Variants in ESCO2 observed in about 807,000 individuals in gnomAD.
ESCO2 encodes N-acetyltransferase ESCO2.
A neutral mutation model predicts 61.7 loss-of-function variants in ESCO2; 51 were observed. The ratio of observed to expected loss-of-function variants is 0.83; its 90% CI spans 0.66 to 1.04. The LOEUF (loss-of-function observed/expected upper bound fraction) is 1.04, where lower values mean the gene tolerates loss of function less well. Among genes scored for constraint, ESCO2 ranks in the 50% least tolerant of loss-of-function variants. ESCO2 has a pLI of 0.00. For synonymous variants in ESCO2, 230 were observed against 238.2 expected, an observed-to-expected ratio of 0.97 and a Z score of 0.32; for missense variants, 692 against 686.2, an observed-to-expected ratio of 1.01 and a Z score of -0.09.
downstream of ESCO2, among the ~76,000 whole-genome samples, chr8:27,817,172 T>A (rs186565328): frequency 2.2e-3 from 332 of 152,238 alleles, 2 homozygotes; most frequent in African/African-American, 7.8e-3. Flanking sequence ...TCCCACACGC[T>A]TAAAAATATA....
chr8:27,785,614 A>G (rs779214834), intron 5 of ESCO2, among the ~76,000 whole-genome samples: 4 of 148,682 alleles, frequency 2.7e-5, no homozygotes, highest in Non-Finnish European at 4.5e-5. Context: ...ACAGGAGACT[A>G]GCTTGAACCC....
downstream of ESCO2, among the ~76,000 whole-genome samples, chr8:27,806,266 G>C (rs1585415385): frequency 6.6e-6 from 1 of 152,156 alleles, no homozygotes; most frequent in Non-Finnish European, 1.5e-5. Context: ...GTTGAGTACT[G>C]TCCATGGTTT....
At chr8:27,817,425 TA>T (rs1168019943), downstream of ESCO2, among the ~76,000 whole-genome samples, 1 of 152,116 alleles carries the variant, frequency 6.6e-6, no homozygotes, top group Non-Finnish European at 1.5e-5. Flanking sequence ...AATCTGCATT[TA>T]AAATAAGAAA....
downstream of ESCO2, among the ~76,000 whole-genome samples, chr8:27,816,038 A>T (rs1805803784): frequency 6.6e-6 from 1 of 152,184 alleles, no homozygotes; most frequent in African/African-American, 2.4e-5. Context: ...CTGAAAAATG[A>T]TGAAACTGGA....
At chr8:27,797,330 C>A (rs1043857515) in intron 9 of ESCO2, among the ~76,000 whole-genome samples, 1 of 151,960 alleles carries the variant, frequency 6.6e-6, no homozygotes, top group Non-Finnish European at 1.5e-5. Context: ...TATATAATTA[C>A]CTTCTTTGTC....
Position 27,777,094 on chromosome 8 carries a change from G to A in ESCO2, c.786G>A (p.Lys262=). 1 of 1,601,746 alleles carries A rather than the reference G, an allele frequency of 6.2e-7. No individual in the cohort carries two copies. The highest frequency in any genetic ancestry group is 8.5e-7 in the Non-Finnish European group (1 of 1,177,166). ...KKTFATRQVP[K]CLVLEEKLKI... ...CTTTTGCGACAAGGCAAGTGCCAAA[G>A]TGCTTGGTCCTAGAAGAGAAATTGA... The change falls in exon 3 of 11, where the codon AAG becomes AAA. Residue 262 remains lysine (K), a synonymous_variant. Transcript: ENST00000305188.
intron 4 of ESCO2, among the ~76,000 whole-genome samples, chr8:27,782,696 T>C (rs1371125809): frequency 2.0e-5 from 3 of 150,168 alleles, no homozygotes; most frequent in Non-Finnish European, 4.4e-5. Context: ...TAGAATTCCA[T>C]ATATAGTTAA....
chr8:27,811,443 A>T, downstream of ESCO2: 1 of 481,054 alleles, frequency 2.1e-6, no homozygotes, highest in Non-Finnish European at 3.8e-6. Context: ...GGGTTGGTTC[A>T]AAGACATGTG....
chr8:27,788,825 T>C, intron 6 of ESCO2, 22 bp from the exon 7 acceptor site: 1 of 1,613,048 alleles, frequency 6.2e-7, no homozygotes, highest in Non-Finnish European at 8.5e-7. Flanking sequence ...AATGGGTTTC[T>C]TTTTTTACCC....
rs1038104075 is a variant in ESCO2, at chr8:27,791,906, T to C, written c.1264-57T>C. 3 of 1,415,802 alleles carry C rather than the reference T, an allele frequency of 2.1e-6. No individual in the cohort carries two copies. In the African/African-American group the frequency reaches 4.6e-5, roughly 22 times the overall value. The allele number at this position is 1,415,802 out of a possible 1,614,324, so 87.7% of individuals were successfully genotyped here. ...CTTCTCCACATCAAATTATTTAATG[T>C]TGGTTTTTTTTCCTCTTCACAAATT... is the stretch of plus-strand genomic sequence containing the variant. On this transcript the variant is annotated intron_variant, in intron 7 of 10. Transcript: ENST00000305188.
intron 2 of ESCO2, 104 bp downstream of exon 2, chr8:27,775,671 C>G: frequency 1.0e-6 from 1 of 992,430 alleles, no homozygotes; most frequent in Non-Finnish European, 1.6e-6. Flanking sequence ...TAGCCTACTC[C>G]TTGTGGCTAC....
chr8:27,799,759 A>G, intron 10 of ESCO2, 43 bp downstream of exon 10: 1 of 1,608,072 alleles, frequency 6.2e-7, no homozygotes. Flanking sequence ...TTAGATTCAT[A>G]GCTTTCCCAG....
At position 27,774,621 on chromosome 8, in the gene ESCO2, T is replaced by C. The variant is rs1804741764; in HGVS notation, c.-17+14T>C. On this transcript the variant is annotated intron_variant, in intron 1 of 10. Transcript: ENST00000305188. The stretch of plus-strand genomic sequence containing the variant: ...TCTGAGGCGCAGGTAACCTCTGGAG[T>C]AGGCCGAGGCGGGGGGCTGTGGAAG... 2 of 152,034 alleles carry C rather than the reference T, an allele frequency of 1.3e-5. 1 individual carries two copies. Among genetic ancestry groups the C allele is most frequent in the South Asian group, 4.2e-4 (2 of 4,802 alleles). The allele number at this position is 152,034 out of a possible 1,614,324, so 9.4% of individuals were successfully genotyped here. A position where few individuals can be genotyped will look rare whatever the true frequency, so the allele number is the denominator to read the frequency against.
intron 10 of ESCO2, among the ~76,000 whole-genome samples, chr8:27,801,969 ATTTTT>A (rs34539100): frequency 1.2e-5 from 1 of 83,780 alleles, no homozygotes; most frequent in Non-Finnish European, 2.1e-5. Context: ...CCTTCATGGC[ATTTTT>A]TTTTTTTTTT....
upstream of ESCO2, among the ~76,000 whole-genome samples, chr8:27,772,837 G>T (rs118093108): frequency 1.3e-5 from 2 of 152,222 alleles, no homozygotes; most frequent in Non-Finnish European, 2.9e-5. Flanking sequence ...AAATGAAGAT[G>T]ATACTAGAGC....
Position 27,804,853 on chromosome 8 carries a change from TTTGC to T in ESCO2, c.*1418_*1421del. On this transcript the variant is annotated 3_prime_UTR_variant, in exon 11 of 11. Transcript: ENST00000305188. ...TTTAAAATTTTTAATTAACATTTTG[TTTGC>T]TTAATGCTTTTGTTATGAATCAATT... is the stretch of plus-strand genomic sequence containing the variant. The T allele has an allele frequency of 4.0e-6, 3 of 755,958 alleles. No homozygotes were observed. The highest frequency in any genetic ancestry group is 4.8e-6 in the Non-Finnish European group (3 of 620,204). 46.8% of individuals were successfully genotyped at this position (755,958 alleles called of 1,614,324 possible).
At chr8:27,818,696 T>A in the ESCO2 span, among the ~76,000 whole-genome samples, 7 of 152,148 alleles carry the variant, frequency 4.6e-5, no homozygotes, top group Non-Finnish European at 1.0e-4. Context: ...GTTTCTAATG[T>A]CTTAAGCTCC....
rs187970305 is a variant in ESCO2 at position 27,788,360 on chromosome 8, C to T, written c.1131+358C>T. Among the ~76,000 whole-genome samples, 226 of 152,130 alleles carry T rather than the reference C, an allele frequency of 1.5e-3. 1 individual carries two copies. Among genetic ancestry groups the T allele is most frequent in the African/African-American group, 5.1e-3 (213 of 41,504 alleles). ...CTTTAAGGGTTTCATTAAAAAGTTCCGTTGTTCATTTTAGCTGTAATTTCC... is the reference window on the plus strand; with the variant it reads ...CTTTAAGGGTTTCATTAAAAAGTTCTGTTGTTCATTTTAGCTGTAATTTCC... On this transcript the variant is annotated intron_variant, in intron 6 of 10. Transcript: ENST00000305188.
intron 4 of ESCO2, among the ~76,000 whole-genome samples, chr8:27,780,915 T>C (rs1804912212): frequency 6.6e-6 from 1 of 152,208 alleles, no homozygotes; most frequent in South Asian, 2.1e-4. Context: ...GAGTGCTGAA[T>C]ATAAGGCAGT....
Sources: allele counts gnomAD v4.1 joint callset (sites outside exome capture counted in the v4.1 genomes callset), GRCh38; gene constraint gnomAD v4.1.1; transcripts MANE v1.5; gene names NCBI Gene and HGNC (gene_info 2026-07-23, HGNC 2026-07-21).